The following RARB variants were observed in gnomAD, a reference collection of about 807,000 sequenced individuals.
RARB encodes the protein retinoic acid receptor beta.
A neutral mutation model predicts 51.9 loss-of-function variants in RARB; 17 were observed. The observed-to-expected ratio is 0.33, with a 90% CI of 0.22 to 0.49. The LOEUF is 0.49. Ranked by LOEUF, RARB falls within the 20% of genes least tolerant of loss-of-function variation. RARB has a pLI of 0.99. For synonymous variants in RARB, 215 were observed against 195.4 expected, an observed-to-expected ratio of 1.10 and a Z score of -0.84; for missense variants, 369 against 550.8, an observed-to-expected ratio of 0.67 and a Z score of 3.30.
intron 2 of RARB, among the ~76,000 whole-genome samples, chr3:25,032,785 C>G (rs1697902141): frequency 6.6e-6 from 1 of 152,152 alleles, no homozygotes; most frequent in African/African-American, 2.4e-5. Flanking sequence ...GTTCTAGTAA[C>G]TTGCCTTCTA....
At chr3:25,464,607 A>C (rs1049647108) in intron 2 of RARB, among the ~76,000 whole-genome samples, 2 of 152,196 alleles carry the variant, frequency 1.3e-5, no homozygotes, top group Non-Finnish European at 2.9e-5. Flanking sequence ...ACTGAGAAAC[A>C]TGAGGAGGTA....
intron 5 of RARB, among the ~76,000 whole-genome samples, chr3:25,271,604 C>T (rs747639649): frequency 2.0e-5 from 3 of 152,258 alleles, no homozygotes; most frequent in Middle Eastern, 3.4e-3. Flanking sequence ...TCCGTCTTTC[C>T]TGCAACATAA....
chr3:25,193,228 C>G (rs907064618), intron 5 of RARB, among the ~76,000 whole-genome samples: 4 of 151,948 alleles, frequency 2.6e-5, no homozygotes, highest in African/African-American at 9.7e-5. Context: ...CCCTTTAATT[C>G]TGTTTACATT....
At chr3:25,415,134 A>G (rs1707668214) in intron 5 of RARB, among the ~76,000 whole-genome samples, 2 of 152,072 alleles carry the variant, frequency 1.3e-5, no homozygotes, top group African/African-American at 4.8e-5. Context: ...CACTATTTTT[A>G]TCCTACTGTA....
At position 25,304,220 on chromosome 3, in the gene RARB, T is replaced by A. The variant is rs138094378; in HGVS notation, c.178+129645T>A. Among the ~76,000 whole-genome samples, 25 of 152,332 alleles carry A rather than the reference T, an allele frequency of 1.6e-4. No individual in the cohort carries two copies. The East Asian group carries it at 4.2e-3, about 26-fold the overall frequency. On this transcript the variant is annotated intron_variant, in intron 5 of 11. Coordinates refer to the RARB transcript ENST00000383772. ...GAATCCCAGCTGTACTGGGCTCCTC[T>A]AACCTTATTTTCAGTGCTTTCTAAG...
chr3:25,369,698 G>A lies in RARB; in HGVS notation c.179-91495G>A, dbSNP rs567416705. Among the ~76,000 whole-genome samples the A allele has an allele frequency of 2.5e-3, 380 of 152,262 alleles. 2 individuals are homozygous for A. The highest frequency in any genetic ancestry group is 3.5e-3 in the Admixed American group (54 of 15,292). On this transcript the variant is annotated intron_variant, in intron 5 of 11. Transcript: ENST00000383772. ...AGCACTTTGAGAGACCGAGGCAGGC[G>A]GATCACCTGAGGTCAGGAGTTTGAG...
At chr3:25,048,111 C>T (rs1174754600) in intron 2 of RARB, among the ~76,000 whole-genome samples, 1 of 152,176 alleles carries the variant, frequency 6.6e-6, no homozygotes, top group Admixed American at 6.5e-5. Context: ...ACTGTGAGTC[C>T]ACTATAAACC....
chr3:24,986,905 C>A (rs1696806053), intron 2 of RARB, among the ~76,000 whole-genome samples: 1 of 152,104 alleles, frequency 6.6e-6, no homozygotes, highest in South Asian at 2.1e-4. Context: ...TATGCTTCAG[C>A]TGGGCCAAAG....
At chr3:25,565,773 C>T (rs1214013549) in intron 3 of RARB, among the ~76,000 whole-genome samples, 1 of 152,136 alleles carries the variant, frequency 6.6e-6, no homozygotes, top group Non-Finnish European at 1.5e-5. Flanking sequence ...TTACATTCTT[C>T]CTGCATAACT....
intron 2 of RARB, among the ~76,000 whole-genome samples, chr3:24,994,079 A>C (rs1252463849): frequency 2.6e-5 from 4 of 152,194 alleles, no homozygotes; most frequent in Non-Finnish European, 5.9e-5. Flanking sequence ...AGGAACCTCC[A>C]TATGGATCTC....
chr3:25,029,042 G>A (rs1575125920), intron 2 of RARB, among the ~76,000 whole-genome samples: 2 of 152,290 alleles, frequency 1.3e-5, no homozygotes, highest in South Asian at 4.1e-4. Context: ...AGTAAAGCAT[G>A]AGAGGAGCTT....
At chr3:25,099,355 A>C (rs548515508) in intron 3 of RARB, among the ~76,000 whole-genome samples, 3 of 152,218 alleles carry the variant, frequency 2.0e-5, no homozygotes, top group Admixed American at 2.0e-4. Context: ...GGGAAAGGGG[A>C]GGGCTAGATT....
chr3:25,541,508 CTGTA>C (rs1189244981), intron 3 of RARB, among the ~76,000 whole-genome samples: 4 of 152,176 alleles, frequency 2.6e-5, no homozygotes, highest in Admixed American at 1.3e-4. Flanking sequence ...GAGTCTAGCT[CTGTA>C]TGGAGGAGAG....
At chr3:24,911,663 C>T (rs998388585) in intron 2 of RARB, among the ~76,000 whole-genome samples, 1 of 152,092 alleles carries the variant, frequency 6.6e-6, no homozygotes, top group African/African-American at 2.4e-5. Flanking sequence ...ATGAATGTGC[C>T]AAATCCTGGC....
At chr3:25,495,983 G>C (rs1439611048) in intron 2 of RARB, among the ~76,000 whole-genome samples, 1 of 152,216 alleles carries the variant, frequency 6.6e-6, no homozygotes, top group Non-Finnish European at 1.5e-5. Context: ...CAGAGGCCCT[G>C]ACTGAGCTGA....
At chr3:25,243,033 A>G (rs1702470011) in intron 5 of RARB, among the ~76,000 whole-genome samples, 1 of 152,058 alleles carries the variant, frequency 6.6e-6, no homozygotes, top group Non-Finnish European at 1.5e-5. Flanking sequence ...CATCCCCTGT[A>G]AGTTGTATTT....
At chr3:25,420,137 C>T (rs1388000465) in intron 5 of RARB, among the ~76,000 whole-genome samples, 1 of 152,076 alleles carries the variant, frequency 6.6e-6, no homozygotes, top group Non-Finnish European at 1.5e-5. Flanking sequence ...TTATGCATAT[C>T]TTTGTTTCTC....
At chr3:25,111,507 A>T (rs1315904673) in intron 3 of RARB, among the ~76,000 whole-genome samples, 1 of 152,140 alleles carries the variant, frequency 6.6e-6, no homozygotes, top group Non-Finnish European at 1.5e-5. Context: ...GAGATGGTCC[A>T]AAAGAAAACT....
At chr3:25,397,843 C>CA (rs1395495698) in intron 5 of RARB, among the ~76,000 whole-genome samples, 1 of 148,698 alleles carries the variant, frequency 6.7e-6, no homozygotes, top group African/African-American at 2.5e-5. Flanking sequence ...TTTTCCAGCT[C>CA]AAAAAATATG....
Sources: allele counts gnomAD v4.1 joint callset (sites outside exome capture counted in the v4.1 genomes callset), GRCh38; gene constraint gnomAD v4.1.1; transcripts MANE v1.5; gene names NCBI Gene and HGNC (gene_info 2026-07-23, HGNC 2026-07-21).